Variants in CDC42BPB observed in about 807,000 individuals in gnomAD.
CDC42BPB encodes serine/threonine-protein kinase MRCK beta.
CDC42BPB carries 37 observed loss-of-function variants against 214.9 expected under a neutral mutation model. The ratio of observed to expected loss-of-function variants is 0.17; its 90% CI spans 0.13 to 0.23. CDC42BPB has a LOEUF of 0.23. Ranked by LOEUF, CDC42BPB falls within the 10% of genes least tolerant of loss-of-function variation. CDC42BPB has a pLI of 1.00. For synonymous variants in CDC42BPB, 931 were observed against 884.0 expected (o/e 1.05, Z -0.94); for missense variants, 1,694 against 2,227.0 (o/e 0.76, Z 4.82).
intron 36 of CDC42BPB, among the ~76,000 whole-genome samples, chr14:102,937,536 G>A (rs1891696010): frequency 6.6e-6 from 1 of 152,232 alleles, no homozygotes; most frequent in Non-Finnish European, 1.5e-5. Context: ...GGCGCCGGGG[G>A]CTAAGCCCTC....
At chr14:103,053,594 T>C (rs750475887) in intron 1 of CDC42BPB, among the ~76,000 whole-genome samples, 2 of 150,454 alleles carry the variant, frequency 1.3e-5, no homozygotes, top group African/African-American at 2.4e-5. Context: ...ACCCCGTCTC[T>C]ACTAAAAATA....
At chr14:103,005,041 G>A (rs567005126) in intron 3 of CDC42BPB, among the ~76,000 whole-genome samples, 21 of 151,972 alleles carry the variant, frequency 1.4e-4, no homozygotes, top group African/African-American at 4.3e-4. Flanking sequence ...GGTGGTGGGC[G>A]CCTGTAGTCC....
chr14:102,978,019 G>A, intron 9 of CDC42BPB, 107 bp downstream of exon 9: 3 of 804,238 alleles, frequency 3.7e-6, no homozygotes, highest in Non-Finnish European at 6.4e-6. Flanking sequence ...TGGCCTCCCA[G>A]CGCACACACC....
intron 1 of CDC42BPB, among the ~76,000 whole-genome samples, chr14:103,035,214 T>C (rs1168772965): frequency 2.0e-5 from 3 of 152,004 alleles, no homozygotes; most frequent in Non-Finnish European, 4.4e-5. Context: ...TGTGCCACCA[T>C]GCCCGGCTAA....
In CDC42BPB at chr14:103,012,100, A is replaced by G. The variant is rs758948563; in HGVS notation, c.264T>C (p.Gly88=). The G allele has an allele frequency of 5.0e-6, 8 of 1,608,332 alleles. No individual in the cohort carries two copies. In the African/African-American group the frequency reaches 1.1e-4, roughly 21 times the overall value. Residue 88 remains glycine (G), a synonymous_variant, in exon 2 of 37, where the codon GGT becomes GGC. Coordinates refer to ENST00000361246, the MANE Select transcript of CDC42BPB (RefSeq NM_006035.4). ...AACAAAATGAAGTTTATCTTACCTC[A>G]CCAAAAGCACCTCTTCCAATTACTT... ...IIKVIGRGAF[G]EVAVVKMKNT...
intron 36 of CDC42BPB, 82 bp downstream of exon 36, chr14:102,938,022 C>T (rs1427419770): frequency 7.5e-6 from 11 of 1,459,892 alleles, no homozygotes; most frequent in Non-Finnish European, 9.6e-6. Context: ...TGTGACACCA[C>T]CCAGGGCCCC....
chr14:102,973,056 C>T (rs1192530944), intron 12 of CDC42BPB, among the ~76,000 whole-genome samples: 1 of 152,230 alleles, frequency 6.6e-6, no homozygotes, highest in Non-Finnish European at 1.5e-5. Context: ...ATCTGGTCAA[C>T]TATCTGGCAG....
intron 1 of CDC42BPB, among the ~76,000 whole-genome samples, chr14:103,047,216 G>A (rs562654504): frequency 6.4e-4 from 96 of 149,268 alleles, no homozygotes; most frequent in African/African-American, 2.3e-3. Flanking sequence ...CCTGGGAGGC[G>A]GAGGTTCCTG....
At chr14:103,029,694 A>C (rs1164533797) in intron 1 of CDC42BPB, among the ~76,000 whole-genome samples, 1 of 151,508 alleles carries the variant, frequency 6.6e-6, no homozygotes, top group Non-Finnish European at 1.5e-5. Flanking sequence ...GTCTCTACTA[A>C]AAATACAAAA....
chr14:102,949,716 T>A, intron 26 of CDC42BPB, 49 bp downstream of exon 26: 1 of 1,609,228 alleles, frequency 6.2e-7, no homozygotes, highest in African/African-American at 1.3e-5. Context: ...TGGCTAAAGA[T>A]AGCTGAGGAA....
chr14:103,033,366 C>T (rs1296907406), intron 1 of CDC42BPB, among the ~76,000 whole-genome samples: 7 of 152,062 alleles, frequency 4.6e-5, no homozygotes, highest in Non-Finnish European at 7.4e-5. Context: ...GGACTACAGG[C>T]GCCCACCACC....
At chr14:103,005,796 C>T (rs569567379) in intron 3 of CDC42BPB, among the ~76,000 whole-genome samples, 17 of 152,108 alleles carry the variant, frequency 1.1e-4, no homozygotes, top group African/African-American at 2.9e-4. Context: ...CTGAGGCAGA[C>T]GGATCGCGAG....
At chr14:102,974,860 G>A (rs1220989820) in intron 11 of CDC42BPB, among the ~76,000 whole-genome samples, 3 of 152,148 alleles carry the variant, frequency 2.0e-5, no homozygotes, top group Non-Finnish European at 4.4e-5. Context: ...ACAGGAGAAT[G>A]GCGTGAACCC....
rs372220328 is a variant in CDC42BPB, at chr14:103,010,056, C to T, written c.268-1501G>A. Among the ~76,000 whole-genome samples, 8 of 152,032 alleles carry T rather than the reference C, an allele frequency of 5.3e-5. No individual in the cohort carries two copies. The South Asian group carries it at 6.2e-4, about 12-fold the overall frequency. ...GTCCCAGCTACTTGGGAGGCTGGGG[C>T]GGGAGGGTTGCTTGAGCCCAGGAGT... On this transcript the variant is annotated intron_variant, in intron 2 of 36. Transcript: ENST00000361246.
At chr14:102,983,839 G>C in intron 6 of CDC42BPB, 83 bp from the exon 7 acceptor site, 1 of 1,501,338 alleles carries the variant, frequency 6.7e-7, no homozygotes, top group Non-Finnish European at 8.8e-7. Flanking sequence ...AAATATAGCG[G>C]AGGCAGAAAA....
At chr14:103,037,520 TA>T (rs980911383) in intron 1 of CDC42BPB, among the ~76,000 whole-genome samples, 6 of 152,018 alleles carry the variant, frequency 3.9e-5, no homozygotes, top group African/African-American at 1.5e-4. Flanking sequence ...TTTTCATAAT[TA>T]AAAAAAATTA....
intron 1 of CDC42BPB, among the ~76,000 whole-genome samples, chr14:103,024,930 A>C (rs1205072263): frequency 6.6e-6 from 1 of 152,162 alleles, no homozygotes; most frequent in South Asian, 2.1e-4. Flanking sequence ...TCCCCACATA[A>C]GACTTTTTAC....
chr14:102,981,362 C>T (rs760990024), intron 7 of CDC42BPB, among the ~76,000 whole-genome samples: 11 of 152,224 alleles, frequency 7.2e-5, no homozygotes, highest in Non-Finnish European at 1.5e-4. Flanking sequence ...ACGGCAGCTC[C>T]GCTTCTGGAA....
intron 1 of CDC42BPB, among the ~76,000 whole-genome samples, chr14:103,043,495 G>C (rs758093044): frequency 1.3e-5 from 2 of 152,088 alleles, no homozygotes; most frequent in Non-Finnish European, 2.9e-5. Flanking sequence ...AAGTAGATTT[G>C]TGGTTGCTCA....
Sources: allele counts gnomAD v4.1 joint callset (sites outside exome capture counted in the v4.1 genomes callset), GRCh38; gene constraint gnomAD v4.1.1; transcripts MANE v1.5; gene names NCBI Gene and HGNC (gene_info 2026-07-23, HGNC 2026-07-21).